The following SRGAP1 variants were observed in gnomAD, a reference collection of about 807,000 sequenced individuals.
The protein encoded by SRGAP1 is SLIT-ROBO Rho GTPase activating protein 1, also known as SLIT-ROBO Rho GTPase-activating protein 1.
In SRGAP1, 43 loss-of-function variants were observed where a neutral mutation model predicts 121.9. That is an observed-to-expected ratio of 0.35 (90% CI 0.28 to 0.46). The LOEUF is 0.46. Among genes scored for constraint, SRGAP1 ranks in the 20% least tolerant of loss-of-function variants. The pLI is 1.00. For synonymous variants in SRGAP1, 447 were observed against 485.4 expected, an observed-to-expected ratio of 0.92 and a Z score of 1.04; for missense variants, 1,102 against 1,350.9, an observed-to-expected ratio of 0.82 and a Z score of 2.89.
chr12:64,145,705 A>G lies in SRGAP1; in HGVS notation c.*3033A>G, dbSNP rs992124841. The G allele has an allele frequency of 6.6e-6, 1 of 152,176 alleles. No homozygotes were observed. The highest frequency in any genetic ancestry group is 1.5e-5 in the Non-Finnish European group (1 of 68,058). 9.4% of individuals were successfully genotyped at this position (152,176 alleles called of 1,614,324 possible). A position where few individuals can be genotyped will look rare whatever the true frequency, so the allele number is the denominator to read the frequency against. The stretch of plus-strand genomic sequence containing the variant: ...GCCACTTCACAAAGAATCCAGAATC[A>G]TGCTCAGTAAAGCTCATTAAAAGCC... On this transcript the variant is annotated 3_prime_UTR_variant, in exon 22 of 22. Transcript: ENST00000355086.
chr12:64,011,455 C>T (rs2034249447), intron 3 of SRGAP1, among the ~76,000 whole-genome samples: 1 of 152,054 alleles, frequency 6.6e-6, no homozygotes. Flanking sequence ...TAACATGTAT[C>T]AGGAGTCTTA....
intron 1 of SRGAP1, among the ~76,000 whole-genome samples, chr12:63,973,259 A>C (rs545697836): frequency 1.9e-4 from 29 of 152,350 alleles, no homozygotes; most frequent in Non-Finnish European, 1.0e-4. Context: ...AATATATTCT[A>C]AACATTCTAG....
At chr12:64,101,649 G>A (rs561955738) in intron 15 of SRGAP1, among the ~76,000 whole-genome samples, 1 of 152,152 alleles carries the variant, frequency 6.6e-6, no homozygotes, top group East Asian at 1.9e-4. Flanking sequence ...CTTTGTGAGT[G>A]GTTTTGTCAA....
At chr12:64,117,772 G>A (rs192089542) in intron 18 of SRGAP1, among the ~76,000 whole-genome samples, 5 of 152,212 alleles carry the variant, frequency 3.3e-5, no homozygotes, top group African/African-American at 1.2e-4. Flanking sequence ...GCTTCCCCCA[G>A]CCTCTGGCAA....
At position 63,955,406 on chromosome 12, in the gene SRGAP1, TA is replaced by T. The variant is rs748483394; in HGVS notation, c.68-28538del. ...ATATAGTTATGCATTGTGGAGTGGC[TA>T]AATCAAGCTAATTAACACATGCATT... On this transcript the variant is annotated intron_variant, in intron 1 of 21. Coordinates refer to ENST00000355086, the MANE Select transcript of SRGAP1 (RefSeq NM_020762.4). 9.2e-5 allele frequency among the ~76,000 whole-genome samples: 14 copies of T among 152,370 alleles called. No homozygotes were observed. The East Asian group carries it at 2.5e-3, about 27-fold the overall frequency.
intron 1 of SRGAP1, among the ~76,000 whole-genome samples, chr12:63,940,282 A>T (rs1565959873): frequency 6.6e-6 from 1 of 151,130 alleles, no homozygotes; most frequent in African/African-American, 2.4e-5. Context: ...ATTTCTTACT[A>T]CTGAATTTCT....
intron 4 of SRGAP1, among the ~76,000 whole-genome samples, chr12:64,017,940 T>C (rs1488583317): frequency 6.6e-6 from 1 of 152,112 alleles, no homozygotes; most frequent in East Asian, 1.9e-4. Context: ...AATATACTTA[T>C]GTAAGTATTT....
At chr12:64,125,488 A>AT (rs899105261) in intron 18 of SRGAP1, among the ~76,000 whole-genome samples, 3 of 152,024 alleles carry the variant, frequency 2.0e-5, no homozygotes, top group African/African-American at 7.3e-5. Flanking sequence ...ATTTTACTTG[A>AT]TTTTTTCTTA....
chr12:64,019,694 C>T (rs538607776), intron 4 of SRGAP1, among the ~76,000 whole-genome samples: 35 of 152,188 alleles, frequency 2.3e-4, no homozygotes, highest in African/African-American at 8.2e-4. Flanking sequence ...AATACTTACT[C>T]AGTTTATATT....
intron 12 of SRGAP1, chr12:64,091,877 C>T: frequency 6.5e-7 from 1 of 1,534,908 alleles, no homozygotes. Context: ...TCCTGTATTT[C>T]TGATAATGCT....
At chr12:63,964,595 G>A (rs1286299486) in intron 1 of SRGAP1, among the ~76,000 whole-genome samples, 2 of 152,006 alleles carry the variant, frequency 1.3e-5, no homozygotes, top group African/African-American at 4.8e-5. Context: ...AAAGCATTAC[G>A]CTTGAGGCCT....
In SRGAP1 at chr12:63,993,076, C is replaced by A. The variant is rs141218589; in HGVS notation, c.426+3004C>A. 1.4e-3 allele frequency among the ~76,000 whole-genome samples: 218 copies of A among 152,262 alleles called. 1 individual carries two copies. Among genetic ancestry groups the A allele is most frequent in the African/African-American group, 4.9e-3 (202 of 41,552 alleles). ...AGAGGCAAAGGACACAGGGAGAAAT[C>A]AGAGTTTACGGAGGAGTAAGATCAA... is the stretch of plus-strand genomic sequence containing the variant. On this transcript the variant is annotated intron_variant, in intron 3 of 21. Coordinates refer to ENST00000355086, the MANE Select transcript of SRGAP1 (RefSeq NM_020762.4).
chr12:64,160,807 G>C lies in SRGAP1; in HGVS notation c.*18135G>C, dbSNP rs568918580. On this transcript the variant is annotated 3_prime_UTR_variant, in exon 22 of 22. Transcript: ENST00000355086. ...AAACAGCATGAAAAGGCAGAGCCAA[G>C]GAGAGATCGACAAACAAGAAGGATT... 1 of 152,288 alleles carries C rather than the reference G, an allele frequency of 6.6e-6. No homozygotes were observed. The highest frequency in any genetic ancestry group is 1.9e-4 in the East Asian group (1 of 5,184). The allele number at this position is 152,288 out of a possible 1,614,324, so 9.4% of individuals were successfully genotyped here. A position where few individuals can be genotyped will look rare whatever the true frequency, so the allele number is the denominator to read the frequency against.
chr12:64,132,691 T>C (rs1321658565), intron 21 of SRGAP1, among the ~76,000 whole-genome samples: 3 of 152,202 alleles, frequency 2.0e-5, no homozygotes, highest in Non-Finnish European at 4.4e-5. Context: ...CACCAATAAG[T>C]CCAGTGTGTT....
At chr12:64,008,673 T>G (rs1218891068) in intron 3 of SRGAP1, among the ~76,000 whole-genome samples, 1 of 152,186 alleles carries the variant, frequency 6.6e-6, no homozygotes, top group Non-Finnish European at 1.5e-5. Flanking sequence ...GCCACTTTTC[T>G]TTCCTAAACA....
chr12:63,844,972 G>A lies in SRGAP1; in HGVS notation c.67+89G>A. On this transcript the variant is annotated intron_variant, in intron 1 of 21. Coordinates refer to ENST00000355086, the MANE Select transcript of SRGAP1 (RefSeq NM_020762.4). This position sits in a 1 kb window ranked among gnomAD's most constrained non-coding sequence, Gnocchi z 4.3. ...TGCGTATCTAACTTGGTGTCTGCGT[G>A]GGAGGAAGGTGGTGAGGGGACAGCT... The A allele has an allele frequency of 7.5e-7, 1 of 1,340,734 alleles. No homozygotes were observed. The highest frequency in any genetic ancestry group is 1.1e-6 in the Non-Finnish European group (1 of 932,848). 83.1% of individuals were successfully genotyped at this position (1,340,734 alleles called of 1,614,324 possible).
chr12:63,893,781 A>G (rs1160678002), intron 1 of SRGAP1, among the ~76,000 whole-genome samples: 1 of 152,204 alleles, frequency 6.6e-6, no homozygotes, highest in Non-Finnish European at 1.5e-5. Context: ...TTGTTACTCT[A>G]ATTACATCTG....
At chr12:64,089,871 C>T (rs1279983128) in intron 11 of SRGAP1, among the ~76,000 whole-genome samples, 1 of 152,162 alleles carries the variant, frequency 6.6e-6, no homozygotes, top group East Asian at 1.9e-4. Flanking sequence ...GGTTTGTTTC[C>T]ATACATGATA....
At chr12:63,920,071 C>T (rs897265116) in intron 1 of SRGAP1, among the ~76,000 whole-genome samples, 4 of 152,204 alleles carry the variant, frequency 2.6e-5, no homozygotes, top group Admixed American at 6.5e-5. Context: ...TCACATGATA[C>T]GACTGCATTG....
Sources: allele counts gnomAD v4.1 joint callset (sites outside exome capture counted in the v4.1 genomes callset), GRCh38; gene constraint gnomAD v4.1.1; non-coding constraint Gnocchi (gnomAD v3.1); transcripts MANE v1.5; gene names NCBI Gene and HGNC (gene_info 2026-07-23, HGNC 2026-07-21).